ARHGEF4: variants seen among roughly 807,000 people sequenced by gnomAD.
ARHGEF4 encodes Rho guanine nucleotide exchange factor 4.
In ARHGEF4, 119 loss-of-function variants were observed where a neutral mutation model predicts 162.0. The observed-to-expected ratio is 0.73, with a 90% CI of 0.63 to 0.86. The LOEUF (loss-of-function observed/expected upper bound fraction) is 0.86, where lower values mean the gene tolerates loss of function less well. ARHGEF4 is among the 40% of genes least tolerant of loss of function. The pLI is 0.00. For synonymous variants in ARHGEF4, 1,014 were observed against 979.9 expected, an observed-to-expected ratio of 1.03 and a Z score of -0.65; for missense variants, 2,488 against 2,456.0, an observed-to-expected ratio of 1.01 and a Z score of -0.28.
At position 130,916,712 on chromosome 2, in the gene ARHGEF4, A is replaced by C. The variant is rs3739127; in HGVS notation, c.2766A>C (p.Ser922=). 1.3e-6 allele frequency: 2 copies of C among 1,550,448 alleles called. No homozygotes were observed. The highest frequency in any genetic ancestry group is 3.9e-5 in the Admixed American group (2 of 50,994). The change falls in exon 2 of 14, where the codon TCA becomes TCC. Residue 922 remains serine, a synonymous_variant. Coordinates refer to ENST00000409359, the MANE Select transcript of ARHGEF4 (RefSeq NM_001367493.1). ...AHKTFSNFIE[S]IVLEKENTHE... is the part of the protein sequence containing the mutation. ...AGACCTTTTCAAACTTTATTGAGTCAATAGTTCTAGAGAAAGAGAACACCC... is the reference window on the plus strand; with the variant it reads ...AGACCTTTTCAAACTTTATTGAGTCCATAGTTCTAGAGAAAGAGAACACCC...
chr2:130,851,752 C>T (rs559816996), intron 1 of ARHGEF4, among the ~76,000 whole-genome samples: 4 of 152,314 alleles, frequency 2.6e-5, no homozygotes, highest in East Asian at 1.9e-4. Flanking sequence ...CCAACCCTCC[C>T]GGGGCCTCCA....
In ARHGEF4 at chr2:130,846,100, G is replaced by A. The variant is rs564274087; in HGVS notation, c.39+9108G>A. ...CCAGAAGGCAGCCATCTCTCTGCAG[G>A]CCTGGCTCAAGGTCTGTTGCCCAGG... On this transcript the variant is annotated intron_variant, in intron 1 of 13. Transcript: ENST00000409359. 4.6e-5 allele frequency among the ~76,000 whole-genome samples: 7 copies of A among 152,342 alleles called. No homozygotes were observed. The East Asian group carries it at 9.7e-4, about 21-fold the overall frequency.
intron 4 of ARHGEF4, among the ~76,000 whole-genome samples, chr2:131,005,701 A>G (rs1025226815): frequency 3.3e-5 from 5 of 151,968 alleles, no homozygotes; most frequent in African/African-American, 9.7e-5. Context: ...GAGGGGCGGG[A>G]GTGCCCAGCG....
chr2:130,869,552 C>G (rs537023033), intron 1 of ARHGEF4, among the ~76,000 whole-genome samples: 239 of 152,296 alleles, frequency 1.6e-3, no homozygotes, highest in Non-Finnish European at 2.7e-3. Flanking sequence ...ATAGGCAGTG[C>G]TTGAATCTGT....
At chr2:130,953,842 A>T (rs1684105239) in intron 4 of ARHGEF4, among the ~76,000 whole-genome samples, 1 of 152,228 alleles carries the variant, frequency 6.6e-6, no homozygotes, top group Admixed American at 6.5e-5. Context: ...GCAAATCAAA[A>T]CCACAATGAG....
Position 131,044,292 on chromosome 2 carries a change from C to T in ARHGEF4, c.5158-7C>T. On this transcript the variant is annotated splice_polypyrimidine_tract_variant and splice_region_variant and intron_variant, in intron 11 of 13. Coordinates refer to ENST00000409359, the MANE Select transcript of ARHGEF4 (RefSeq NM_001367493.1). The stretch of plus-strand genomic sequence containing the variant: ...CAGCAGCCAGGGCTGAGGCCAGCAT[C>T]TGGCAGGACCTGCTCCGCCGCGACG... The T allele has an allele frequency of 6.2e-7, 1 of 1,610,402 alleles. No individual in the cohort carries two copies. The highest frequency in any genetic ancestry group is 8.5e-7 in the Non-Finnish European group (1 of 1,179,048).
chr2:130,972,954 A>G (rs1685460329), intron 4 of ARHGEF4, among the ~76,000 whole-genome samples: 1 of 152,272 alleles, frequency 6.6e-6, no homozygotes, highest in African/African-American at 2.4e-5. Context: ...TAATATCTTC[A>G]GATACAACAT....
chr2:130,840,743 G>A (rs370518221), intron 1 of ARHGEF4, among the ~76,000 whole-genome samples: 10 of 152,334 alleles, frequency 6.6e-5, no homozygotes, highest in African/African-American at 2.4e-4. Flanking sequence ...TCTGGCAAGC[G>A]TCACTCCTGG....
chr2:131,025,611 A>G (rs1689427043), intron 4 of ARHGEF4, among the ~76,000 whole-genome samples: 1 of 152,136 alleles, frequency 6.6e-6, no homozygotes, highest in Non-Finnish European at 1.5e-5. Context: ...TGTTTCTTCC[A>G]TCCATCTGTT....
At chr2:131,025,807 G>A (rs1328763648) in intron 4 of ARHGEF4, among the ~76,000 whole-genome samples, 1 of 152,132 alleles carries the variant, frequency 6.6e-6, no homozygotes, top group Non-Finnish European at 1.5e-5. Context: ...TAAGATAAGA[G>A]TCATGGATGG....
intron 1 of ARHGEF4, among the ~76,000 whole-genome samples, chr2:130,908,611 C>T (rs563007506): frequency 6.6e-6 from 1 of 151,954 alleles, no homozygotes; most frequent in East Asian, 1.9e-4. Flanking sequence ...GGGAGGTGGA[C>T]GTTGGAGTGA....
intron 1 of ARHGEF4, among the ~76,000 whole-genome samples, chr2:130,866,470 T>C (rs1682288699): frequency 6.6e-6 from 1 of 152,202 alleles, no homozygotes; most frequent in South Asian, 2.1e-4. Flanking sequence ...TGCTATGTTA[T>C]GTGGCAAAGG....
intron 4 of ARHGEF4, among the ~76,000 whole-genome samples, chr2:130,970,921 A>T (rs1171886487): frequency 6.6e-6 from 1 of 152,188 alleles, no homozygotes; most frequent in East Asian, 1.9e-4. Context: ...TTTTGACGGA[A>T]TCCAATTTTT....
chr2:130,946,733 G>T (rs569584132), intron 4 of ARHGEF4, 98 bp downstream of exon 4: 1 of 1,529,162 alleles, frequency 6.5e-7, no homozygotes, highest in African/African-American at 1.4e-5. Context: ...TTGCCTGGTA[G>T]AAGTAGCTTG....
intron 5 of ARHGEF4, among the ~76,000 whole-genome samples, chr2:131,032,417 A>C (rs929006873): frequency 1.4e-4 from 21 of 151,800 alleles, no homozygotes; most frequent in African/African-American, 5.1e-4. Context: ...ATCCCTCCCC[A>C]GTCCTGACCT....
At chr2:130,924,030 G>A (rs1682064389) in intron 2 of ARHGEF4, among the ~76,000 whole-genome samples, 1 of 151,420 alleles carries the variant, frequency 6.6e-6, no homozygotes, top group Non-Finnish European at 1.5e-5. Context: ...ACAGGCACCC[G>A]CCAACACACT....
intron 1 of ARHGEF4, among the ~76,000 whole-genome samples, chr2:130,855,802 G>GA (rs1681736225): frequency 6.6e-6 from 1 of 152,068 alleles, no homozygotes; most frequent in African/African-American, 2.4e-5. Context: ...CTTACTTCAA[G>GA]AAAAAACAAA....
chr2:130,898,508 C>T (rs910067321), intron 1 of ARHGEF4, among the ~76,000 whole-genome samples: 6 of 152,152 alleles, frequency 3.9e-5, no homozygotes, highest in African/African-American at 1.4e-4. Context: ...GTAAATTTTA[C>T]AGTGTAGAAA....
chr2:130,966,005 G>A (rs994027947), intron 4 of ARHGEF4, among the ~76,000 whole-genome samples: 4 of 152,188 alleles, frequency 2.6e-5, no homozygotes, highest in African/African-American at 9.7e-5. Flanking sequence ...CAGAGTTGAT[G>A]TGAGACCCAG....
Sources: gnomAD v4.1 joint callset for allele counts (sites outside exome capture counted in the v4.1 genomes callset) on GRCh38, gnomAD v4.1.1 for gene constraint, MANE v1.5 for transcripts, NCBI Gene and HGNC (gene_info 2026-07-23, HGNC 2026-07-21) for gene names.